Variants in PRKDC observed in about 807,000 individuals in gnomAD.
PRKDC encodes the protein protein kinase, DNA-activated, catalytic subunit, also known as DNA-dependent protein kinase catalytic subunit.
In PRKDC, 82 loss-of-function variants were observed where a neutral mutation model predicts 486.9. The ratio of observed to expected loss-of-function variants is 0.17; its 90% CI spans 0.14 to 0.20. PRKDC has a LOEUF of 0.20. Among genes scored for constraint, PRKDC ranks in the 10% least tolerant of loss-of-function variants. PRKDC has a pLI of 1.00. For missense variants in PRKDC, 4,504 were observed against 5,038.2 expected (o/e 0.89, Z 3.21); for synonymous variants, 1,895 against 1,837.0 (o/e 1.03, Z -0.81).
At chr8:47,918,430 C>A in intron 21 of PRKDC, 47 bp from the exon 22 acceptor site, 4 of 1,155,172 alleles carry the variant, frequency 3.5e-6, no homozygotes, top group Non-Finnish European at 4.8e-6. Flanking sequence ...CTCATTCATT[C>A]ATTTAATGTA....
At chr8:47,935,559 T>G (rs1439098237) in intron 13 of PRKDC, among the ~76,000 whole-genome samples, 173 bp downstream of exon 13, 1 of 152,030 alleles carries the variant, frequency 6.6e-6, no homozygotes, top group African/African-American at 2.4e-5. Flanking sequence ...ACTATTAAAA[T>G]TCAGAGGTAA....
At chr8:47,897,315 G>T (rs2089598385) in intron 29 of PRKDC, 21 bp from the exon 30 acceptor site, 3 of 1,542,038 alleles carry the variant, frequency 1.9e-6, no homozygotes, top group Admixed American at 1.7e-5. Flanking sequence ...ACAGCATACT[G>T]TCATTAGTCC....
At chr8:47,825,183 C>T (rs757109252) in intron 63 of PRKDC, among the ~76,000 whole-genome samples, 3 of 152,120 alleles carry the variant, frequency 2.0e-5, no homozygotes, top group Non-Finnish European at 4.4e-5. Flanking sequence ...ATACTGGTTC[C>T]ATTGTCCCTG....
At chr8:47,808,321 C>CT (rs2087256805) in intron 68 of PRKDC, among the ~76,000 whole-genome samples, 1 of 151,794 alleles carries the variant, frequency 6.6e-6, no homozygotes, top group Non-Finnish European at 1.5e-5. Flanking sequence ...AAGTTTTACA[C>CT]TTTTTTGTAG....
chr8:47,805,916 C>A (rs1033514091), intron 69 of PRKDC, among the ~76,000 whole-genome samples: 8 of 152,172 alleles, frequency 5.3e-5, no homozygotes, highest in African/African-American at 1.9e-4. Context: ...TGGTCTTTCT[C>A]TGCCTTTGCT....
rs534589494 is a variant in PRKDC at position 47,907,419 on chromosome 8, C to T, written c.2935-2443G>A. The stretch of plus-strand genomic sequence containing the variant: ...AGCTATATATATATATATACACACA[C>T]ACACACACACACACACACAATACAG... On this transcript the variant is annotated intron_variant, in intron 25 of 85. Coordinates refer to ENST00000314191, the MANE Select transcript of PRKDC (RefSeq NM_006904.7). Among the ~76,000 whole-genome samples the T allele has an allele frequency of 3.4e-3, 514 of 150,548 alleles. 7 individuals are homozygous for T. The highest frequency in any genetic ancestry group is 0.012 in the African/African-American group (477 of 40,874).
In PRKDC at chr8:47,882,100, G is replaced by A; in HGVS notation, c.4777-3C>T. ...ATGCCGTTCAAAACGGCACTCACCTGAGACAATTTCGTTGTGAGTGAAGAA... is the reference window on the plus strand; with the variant it reads ...ATGCCGTTCAAAACGGCACTCACCTAAGACAATTTCGTTGTGAGTGAAGAA... On this transcript the variant is annotated splice_region_variant and splice_polypyrimidine_tract_variant and intron_variant, in intron 36 of 85. Coordinates refer to ENST00000314191, the MANE Select transcript of PRKDC (RefSeq NM_006904.7). The A allele has an allele frequency of 6.3e-7, 1 of 1,597,676 alleles. No homozygotes were observed. The highest frequency in any genetic ancestry group is 8.5e-7 in the Non-Finnish European group (1 of 1,172,682).
At chr8:47,848,266 A>C (rs1376919224) in intron 54 of PRKDC, among the ~76,000 whole-genome samples, 2 of 152,244 alleles carry the variant, frequency 1.3e-5, no homozygotes, top group Admixed American at 6.5e-5. Context: ...GACTGGATAA[A>C]GAAAATGGTA....
intron 9 of PRKDC, 137 bp downstream of exon 9, chr8:47,943,715 GC>G: frequency 1.2e-6 from 1 of 807,822 alleles, no homozygotes; most frequent in Non-Finnish European, 1.9e-6. Flanking sequence ...GTCACCGAAA[GC>G]CTCCCTGTAA....
chr8:47,820,026 G>GA (rs1327493995), intron 66 of PRKDC, among the ~76,000 whole-genome samples: 2 of 152,096 alleles, frequency 1.3e-5, no homozygotes, highest in Non-Finnish European at 2.9e-5. Flanking sequence ...AAGCAAAAAG[G>GA]AAAGAAAGAG....
chr8:47,832,939 G>A (rs1228946012), intron 59 of PRKDC, among the ~76,000 whole-genome samples: 2 of 152,212 alleles, frequency 1.3e-5, no homozygotes, highest in African/African-American at 4.8e-5. Context: ...CATCCCCAAG[G>A]AGGATGGCAC....
At chr8:47,835,010 G>A (rs1589730179) in intron 58 of PRKDC, among the ~76,000 whole-genome samples, 1 of 152,038 alleles carries the variant, frequency 6.6e-6, no homozygotes, top group South Asian at 2.1e-4. Flanking sequence ...TAATATTAGT[G>A]TCACAGAATT....
chr8:47,890,385 T>G lies in PRKDC; in HGVS notation c.3943A>C (p.Thr1315Pro), dbSNP rs2089434727. 1.9e-6 allele frequency: 3 copies of G among 1,611,014 alleles called. No homozygotes were observed. The change falls in exon 32 of 86, where the codon ACT (threonine) becomes CCT (proline). Residue 1315 changes from threonine to proline, a missense_variant. This residue lies in a region of PRKDC where 1,969 missense variants were observed against 2,068.9 expected (regional missense o/e 0.95). Coordinates refer to ENST00000314191, the MANE Select transcript of PRKDC (RefSeq NM_006904.7). ...CTTGTTCTGTTACCTGCTGCCCCAG[T>G]GCCAAAGCACTTTTCTGCTGCTATA... is the stretch of plus-strand genomic sequence containing the variant. Reference protein sequence around the residue: ...DIIAAEKCFGTGAAGNRTSPQ... With the variant: ...DIIAAEKCFGPGAAGNRTSPQ...
chr8:47,924,142 C>T (rs2090119199), intron 21 of PRKDC, among the ~76,000 whole-genome samples: 1 of 152,114 alleles, frequency 6.6e-6, no homozygotes, highest in Admixed American at 6.5e-5. Flanking sequence ...GTGACATTTC[C>T]CCCATCATGC....
At chr8:47,779,427 T>G in intron 80 of PRKDC, 1 of 185,028 alleles carries the variant, frequency 5.4e-6, no homozygotes. Flanking sequence ...GGCATGCAAT[T>G]CTGAAACTTT....
At chr8:47,777,551 G>A (rs937549337) in intron 84 of PRKDC, 135 bp downstream of exon 84, 10 of 1,048,038 alleles carry the variant, frequency 9.5e-6, no homozygotes, top group African/African-American at 1.6e-5. Context: ...TACTAACTTT[G>A]AGAAATGCTG....
chr8:47,830,445 A>C (rs2087837415), intron 61 of PRKDC, among the ~76,000 whole-genome samples, 160 bp downstream of exon 61: 1 of 152,254 alleles, frequency 6.6e-6, no homozygotes, highest in Non-Finnish European at 1.5e-5. Context: ...CAGAGCCAGG[A>C]CTTGGAGCAA....
chr8:47,877,719 C>T lies in PRKDC; in HGVS notation c.5363+5G>A, dbSNP rs1234813231. On this transcript the variant is annotated splice_donor_5th_base_variant and intron_variant, in intron 40 of 85. Transcript: ENST00000314191. ...TTCCTGAGATCCCAGGCCAGAATGA[C>T]TTACCTTCTGGCAATCCTCCTGAAA... 9 of 1,578,596 alleles carry T rather than the reference C, an allele frequency of 5.7e-6. No individual in the cohort carries two copies. The highest frequency in any genetic ancestry group is 7.7e-6 in the Non-Finnish European group (9 of 1,161,510).
intron 32 of PRKDC, among the ~76,000 whole-genome samples, chr8:47,889,863 T>C (rs567054581): frequency 1.3e-5 from 2 of 152,046 alleles, no homozygotes; most frequent in Admixed American, 1.3e-4. Context: ...GCTAAGAAAA[T>C]AGATTGAAAA....
Sources: gnomAD v4.1 joint callset for allele counts (sites outside exome capture counted in the v4.1 genomes callset) on GRCh38, gnomAD v4.1.1 for gene constraint, gnomAD v4.1.1 regional missense constraint, MANE v1.5 for transcripts, NCBI Gene and HGNC (gene_info 2026-07-23, HGNC 2026-07-21) for gene names.